The following CCM2L variants were observed in gnomAD, a reference collection of about 807,000 sequenced individuals.
CCM2L encodes the protein cerebral cavernous malformations 2 protein-like.
Under a neutral mutation model 54.1 loss-of-function variants are expected in CCM2L, and 36 were observed. That is an observed-to-expected ratio of 0.67 (90% confidence interval 0.51 to 0.88). The LOEUF is 0.88. Ranked by LOEUF, CCM2L falls within the 40% of genes least tolerant of loss-of-function variation. The pLI is 0.00. For synonymous variants in CCM2L, 351 were observed against 359.3 expected (o/e 0.98, Z 0.26); for missense variants, 700 against 812.1 (o/e 0.86, Z 1.68).
chr20:32,012,082 G>C lies in CCM2L; in HGVS notation c.30+1598G>C, dbSNP rs2064700218. On this transcript the variant is annotated intron_variant, in intron 1 of 9. Transcript: ENST00000452892. Reference sequence around the variant, plus strand: ...ACATGCTGTGCCCTCTGCTTGGCATGCTTTCTCCCAGATAGTTTCTTCTCA... The same window carrying C: ...ACATGCTGTGCCCTCTGCTTGGCATCCTTTCTCCCAGATAGTTTCTTCTCA... 2.6e-5 allele frequency among the ~76,000 whole-genome samples: 4 copies of C among 151,992 alleles called. No homozygotes were observed. The South Asian group carries it at 6.2e-4, about 24-fold the overall frequency.
intron 7 of CCM2L, chr20:32,028,699 T>C (rs1439288928): frequency 2.5e-6 from 1 of 402,602 alleles, no homozygotes; most frequent in Admixed American, 3.9e-5. Flanking sequence ...AAGAGTTAGC[T>C]GTGCAAAAGG....
chr20:32,025,930 C>A lies in CCM2L; in HGVS notation c.1133+11C>A. On this transcript the variant is annotated intron_variant, in intron 7 of 9. Coordinates refer to ENST00000452892, the MANE Select transcript of CCM2L (RefSeq NM_001365692.1). ...CTGCTGCAGCTCCTTGTGAGTACAG[C>A]CCCTGTCAGGGACTCCACCCTGCTC... The A allele has an allele frequency of 3.1e-6, 4 of 1,303,252 alleles. No homozygotes were observed. The highest frequency in any genetic ancestry group is 4.0e-6 in the Non-Finnish European group (4 of 988,120). The allele number at this position is 1,303,252 out of a possible 1,614,324, so 80.7% of individuals were successfully genotyped here.
At position 32,019,377 on chromosome 20, in the gene CCM2L, T is replaced by G; in HGVS notation, c.901T>G (p.Cys301Gly). ...GCAGGACCCCAGCCCCGACGCCTAC[T>G]GCAACCTGGTCATCCTGGCTGTAGC... Reference protein sequence around the residue: ...DPQDPSPDAYCNLVILAVANR... With the variant: ...DPQDPSPDAYGNLVILAVANR... The change falls in exon 5 of 10, where the codon TGC becomes GGC. Residue 301 changes from cysteine to glycine, a missense_variant. Physicochemically the swap from Cys to Gly is radical, Grantham distance 159 (BLOSUM62 -3). Coordinates refer to ENST00000452892, the MANE Select transcript of CCM2L (RefSeq NM_001365692.1). The G allele has an allele frequency of 6.6e-7, 1 of 1,524,562 alleles. No individual in the cohort carries two copies. Among genetic ancestry groups the G allele is most frequent in the Non-Finnish European group, 8.7e-7 (1 of 1,143,752 alleles). 94.4% of individuals were successfully genotyped at this position (1,524,562 alleles called of 1,614,324 possible).
Position 32,029,753 on chromosome 20 carries a change from GGA to G in CCM2L, c.1319_1320del (p.Glu440ValfsTer58), listed in dbSNP as rs1298253401. 6.2e-7 allele frequency: 1 copy of G among 1,613,530 alleles called. No homozygotes were observed. Among genetic ancestry groups the G allele is most frequent in the Admixed American group, 1.7e-5 (1 of 59,926 alleles). On this transcript the variant is annotated frameshift_variant, in exon 9 of 10. Transcript: ENST00000452892. LOFTEE classifies it high-confidence loss of function. ...EIQQFAMLLREYRLGLPIQDY... is the reference protein window; with the variant it reads ...EIQQFAMLLRXYRLGLPIQDY... Reference sequence around the variant, plus strand: ...TCCAGCAGTTTGCGATGCTGCTGCGGGAGTACCGGCTGGGGCTGCCCATCCAG... The same window carrying G: ...TCCAGCAGTTTGCGATGCTGCTGCGGGTACCGGCTGGGGCTGCCCATCCAG...
chr20:32,017,220 G>A (rs1032142892), intron 2 of CCM2L, among the ~76,000 whole-genome samples: 1 of 152,154 alleles, frequency 6.6e-6, no homozygotes, highest in Non-Finnish European at 1.5e-5. Context: ...AAAATTTGTT[G>A]ATTTAGTGCA....
rs911842494 is a variant in CCM2L at position 32,025,924 on chromosome 20, G to A, written c.1133+5G>A. On this transcript the variant is annotated splice_donor_5th_base_variant and intron_variant, in intron 7 of 9. Transcript: ENST00000452892. ...CTTCAGCTGCTGCAGCTCCTTGTGAGTACAGCCCCTGTCAGGGACTCCACC... is the reference window on the plus strand; with the variant it reads ...CTTCAGCTGCTGCAGCTCCTTGTGAATACAGCCCCTGTCAGGGACTCCACC... 2 of 1,304,046 alleles carry A rather than the reference G, an allele frequency of 1.5e-6. No individual in the cohort carries two copies. The highest frequency in any genetic ancestry group is 1.2e-5 in the South Asian group (1 of 81,032). 80.8% of individuals were successfully genotyped at this position (1,304,046 alleles called of 1,614,324 possible).
Position 32,019,385 on chromosome 20 carries a change from G to T in CCM2L, c.909G>T (p.Leu303=). The change falls in exon 5 of 10, where the codon CTG becomes CTT. Residue 303 remains leucine, a synonymous_variant. Transcript: ENST00000452892. The part of the protein sequence containing the change: ...QDPSPDAYCN[L]VILAVANRDA... ...CCAGCCCCGACGCCTACTGCAACCT[G>T]GTCATCCTGGCTGTAGCCAACAGGG... is the stretch of plus-strand genomic sequence containing the variant. 1 of 1,530,446 alleles carries T rather than the reference G, an allele frequency of 6.5e-7. No homozygotes were observed. 94.8% of individuals were successfully genotyped at this position (1,530,446 alleles called of 1,614,324 possible).
chr20:32,030,898 A>T, intron 9 of CCM2L, 103 bp from the exon 10 acceptor site: 1 of 1,033,556 alleles, frequency 9.7e-7, no homozygotes, highest in Non-Finnish European at 1.3e-6. Context: ...ACAGCCAGTG[A>T]GTGACAGCAG....
chr20:32,029,634 C>T, intron 8 of CCM2L, 66 bp from the exon 9 acceptor site: 2 of 1,536,986 alleles, frequency 1.3e-6, no homozygotes, highest in Non-Finnish European at 1.8e-6. Context: ...AGGCTCTGGG[C>T]CTTTCAGGCA....
chr20:32,022,574 G>T (rs370853368), intron 5 of CCM2L, 86 bp from the exon 6 acceptor site: 3 of 1,484,844 alleles, frequency 2.0e-6, no homozygotes, highest in African/African-American at 1.4e-5. Context: ...ATCTTTGTGC[G>T]CATCTTCACA....
At position 32,015,006 on chromosome 20, in the gene CCM2L, T is replaced by C; in HGVS notation, c.133T>C (p.Tyr45His). 6.3e-7 allele frequency: 1 copy of C among 1,577,234 alleles called. No individual in the cohort carries two copies. Among genetic ancestry groups the C allele is most frequent in the Admixed American group, 1.9e-5 (1 of 53,534 alleles). ...SRRPLHSMPL[Y>H]PPDYLIDPQI... is the part of the protein sequence containing the mutation. ...CCGGCCCCTGCACTCGATGCCCCTT[T>C]ATCCCCCCGACTACCTCATCGACCC... is the stretch of plus-strand genomic sequence containing the variant. Residue 45 changes from tyrosine to histidine, a missense_variant, in exon 2 of 10, where the codon TAT becomes CAT. By Grantham distance (83) the Tyr-to-His change is moderately conservative (BLOSUM62 2). Coordinates refer to ENST00000452892, the MANE Select transcript of CCM2L (RefSeq NM_001365692.1).
chr20:32,019,032 AAGCGGCGGGTGGGCACCGCGG>A lies in CCM2L; in HGVS notation c.564_584del (p.Val189_Arg195del), dbSNP rs1340290803. On this transcript the variant is annotated inframe_deletion, in exon 5 of 10. Transcript: ENST00000452892. ...CGGCCCGCCAGGCGGGGCGCCCGAG[AAGCGGCGGGTGGGCACCGCGG>A]AGCGGCGCCACACCATCTGCAGCCT... 78 of 1,322,050 alleles carry A rather than the reference AAGCGGCGGGTGGGCACCGCGG, an allele frequency of 5.9e-5. No individual in the cohort carries two copies. Among genetic ancestry groups the A allele is most frequent in the African/African-American group, 9.3e-5 (6 of 64,500 alleles). The allele number at this position is 1,322,050 out of a possible 1,614,324, so 81.9% of individuals were successfully genotyped here.
intron 5 of CCM2L, among the ~76,000 whole-genome samples, chr20:32,020,049 T>C (rs1053078987): frequency 6.6e-6 from 1 of 152,276 alleles, no homozygotes; most frequent in East Asian, 1.9e-4. Context: ...CACCCGACCA[T>C]GTTTCTTGAG....
intron 4 of CCM2L, 52 bp downstream of exon 4, chr20:32,018,214 A>AGGGGCGGGGGCG (rs1247625241): frequency 1.3e-4 from 1 of 7,690 alleles, no homozygotes; most frequent in Admixed American, 1.9e-3. Flanking sequence ...GGGGCGGGGG[A>AGGGGCGGGGGCG]GGGGCGGGGG....
At chr20:32,024,199 G>T (rs1600681240) in intron 6 of CCM2L, among the ~76,000 whole-genome samples, 1 of 152,146 alleles carries the variant, frequency 6.6e-6, no homozygotes, top group South Asian at 2.1e-4. Context: ...TCAGGCCAGT[G>T]GGTGAATTCC....
At chr20:32,011,465 C>A (rs1372645999) in intron 1 of CCM2L, among the ~76,000 whole-genome samples, 2 of 152,014 alleles carry the variant, frequency 1.3e-5, no homozygotes, top group African/African-American at 4.8e-5. Flanking sequence ...ATTAACTGGG[C>A]ATGGTGGCAC....
intron 5 of CCM2L, 71 bp from the exon 6 acceptor site, chr20:32,022,589 G>A (rs1430001746): frequency 6.3e-7 from 1 of 1,577,728 alleles, no homozygotes; most frequent in African/African-American, 1.3e-5. Context: ...TTCACACACT[G>A]TTTTAGGAAG....
rs775722537 is a variant in CCM2L, at chr20:32,029,126, T to C, written c.1263+2T>C. On this transcript the variant is annotated splice_donor_variant, in intron 8 of 9. Transcript: ENST00000452892. LOFTEE classifies it high-confidence loss of function. ...CAGTTACAGGATTACATGGTCACGG[T>C]GAGCTGGGGCCGGTGGTGGGAATGG... 1 of 1,614,116 alleles carries C rather than the reference T, an allele frequency of 6.2e-7. No homozygotes were observed. The highest frequency in any genetic ancestry group is 1.1e-5 in the South Asian group (1 of 91,080).
chr20:32,012,621 A>G (rs1008130406), intron 1 of CCM2L, among the ~76,000 whole-genome samples: 4 of 152,178 alleles, frequency 2.6e-5, no homozygotes, highest in Non-Finnish European at 4.4e-5. Context: ...GGAGCTTGGT[A>G]GAAATGCACA....
Sources: gnomAD v4.1 joint callset for allele counts (sites outside exome capture counted in the v4.1 genomes callset) on GRCh38, gnomAD v4.1.1 for gene constraint, MANE v1.5 for transcripts, NCBI Gene and HGNC (gene_info 2026-07-23, HGNC 2026-07-21) for gene names.